Variants in GTF3C3 observed in about 807,000 individuals in gnomAD.
GTF3C3 encodes the protein general transcription factor IIIC subunit 3.
In GTF3C3, 75 loss-of-function variants were observed where a neutral mutation model predicts 105.2. The observed-to-expected ratio is 0.71, with a 90% confidence interval of 0.59 to 0.86. The LOEUF (loss-of-function observed/expected upper bound fraction) is 0.86. GTF3C3 is among the 40% of genes least tolerant of loss of function. The probability of loss-of-function intolerance (pLI) is 0.00; values close to 1 mark genes in which losing one functional copy is unlikely to be tolerated. For synonymous variants in GTF3C3, 335 were observed against 370.4 expected (o/e 0.90, Z 1.10); for missense variants, 856 against 1,076.5 (o/e 0.80, Z 2.87).
In GTF3C3 at chr2:196,799,395, C is replaced by T. The variant is rs531310701; in HGVS notation, c.102+115G>A. 62 of 736,760 alleles carry T rather than the reference C, an allele frequency of 8.4e-5. No individual in the cohort carries two copies. The African/African-American group carries it at 8.6e-4, about 10-fold the overall frequency. 45.6% of individuals were successfully genotyped at this position (736,760 alleles called of 1,614,324 possible). On this transcript the variant is annotated intron_variant, in intron 1 of 17. Transcript: ENST00000263956. ...GAGTTTCTGTAAGATAAGGAAGAAG[C>T]TGCTGAAAGTTCCCAGCCCGCCCCA...
chr2:196,765,329 G>C (rs1039021702), intron 17 of GTF3C3, among the ~76,000 whole-genome samples: 4 of 151,798 alleles, frequency 2.6e-5, no homozygotes, highest in African/African-American at 9.7e-5. Context: ...AAAAAAATCT[G>C]CAACAATTAA....
rs375738762 is a variant in GTF3C3 at position 196,764,605 on chromosome 2, G to A, written c.2619C>T (p.Thr873=). ...LSLIYQSSGN[T]GMAQTLLYTY... is the part of the protein sequence containing the mutation. Reference sequence around the variant, plus strand: ...TATACAAAAGCGTTTGAGCCATTCCGGTATTCCCACTGCTCTGATAGATGA... The same window carrying A: ...TATACAAAAGCGTTTGAGCCATTCCAGTATTCCCACTGCTCTGATAGATGA... The change falls in exon 18 of 18, where the codon ACC becomes ACT. Residue 873 remains threonine, a synonymous_variant. Transcript: ENST00000263956. 10 of 1,613,440 alleles carry A rather than the reference G, an allele frequency of 6.2e-6. No individual in the cohort carries two copies. Among genetic ancestry groups the A allele is most frequent in the African/African-American group, 1.3e-5 (1 of 74,870 alleles).
In GTF3C3 at chr2:196,763,899, G is replaced by A. The variant is rs914686198; in HGVS notation, c.*664C>T. 6.6e-6 allele frequency: 1 copy of A among 152,118 alleles called. No homozygotes were observed. Among genetic ancestry groups the A allele is most frequent in the Non-Finnish European group, 1.5e-5 (1 of 68,018 alleles). 9.4% of individuals were successfully genotyped at this position (152,118 alleles called of 1,614,324 possible). On this transcript the variant is annotated 3_prime_UTR_variant, in exon 18 of 18. Transcript: ENST00000263956. ...GATCTTGAAATGGAAACCATGTCCTGTTATTGAACAAGCTCTTCTCTATTT... is the reference window on the plus strand; with the variant it reads ...GATCTTGAAATGGAAACCATGTCCTATTATTGAACAAGCTCTTCTCTATTT...
Position 196,780,615 on chromosome 2 carries a change from T to C in GTF3C3, c.1162A>G (p.Ile388Val). 6.2e-7 allele frequency: 1 copy of C among 1,613,592 alleles called. No individual in the cohort carries two copies. Among genetic ancestry groups the C allele is most frequent in the African/African-American group, 1.3e-5 (1 of 75,016 alleles). ...AGGCAGACCATCAACTTCACTGTGA[T>C]ATCTATTGGCACGCCATCAGGTATA... ...CTIPDGVPID[I>V]TVKLMVCLVH... The change falls in exon 9 of 18, where the codon ATC becomes GTC. Residue 388 changes from isoleucine to valine, a missense_variant. By Grantham distance (29) the Ile-to-Val change is conservative. Around this residue, in one of 3 missense-constraint regions of GTF3C3, gnomAD observed 605 missense variants for 833.6 expected, o/e 0.73. Transcript: ENST00000263956.
In GTF3C3 at chr2:196,793,162, G is replaced by C. The variant is rs981035056; in HGVS notation, c.215-10C>G. Reference sequence around the variant, plus strand: ...CCATCTGATGTTTCTCCTGAGAAAAGAGACATTGATGGGGGAGGGGTGGGG... The same window carrying C: ...CCATCTGATGTTTCTCCTGAGAAAACAGACATTGATGGGGGAGGGGTGGGG... On this transcript the variant is annotated splice_polypyrimidine_tract_variant and intron_variant, in intron 2 of 17. Transcript: ENST00000263956. 1.9e-6 allele frequency: 3 copies of C among 1,578,102 alleles called. No homozygotes were observed. The Admixed American group carries it at 5.3e-5, about 28-fold the overall frequency.
intron 1 of GTF3C3, 113 bp downstream of exon 1, chr2:196,799,397 G>T: frequency 1.3e-6 from 1 of 754,504 alleles, no homozygotes. Flanking sequence ...GGAAGAAGCT[G>T]CTGAAAGTTC....
chr2:196,788,477 G>A (rs1222628004), intron 6 of GTF3C3, among the ~76,000 whole-genome samples: 1 of 152,188 alleles, frequency 6.6e-6, no homozygotes, highest in African/African-American at 2.4e-5. Flanking sequence ...TGTGCCAACT[G>A]TAAAAGAGAA....
chr2:196,789,750 C>G (rs1329492495), intron 5 of GTF3C3, 129 bp downstream of exon 5: 3 of 614,198 alleles, frequency 4.9e-6, no homozygotes, highest in South Asian at 2.3e-5. Flanking sequence ...ATACTTACCT[C>G]TAGAGCAACA....
At position 196,793,145 on chromosome 2, in the gene GTF3C3, T is replaced by C; in HGVS notation, c.222A>G (p.Thr74=). 6.2e-7 allele frequency: 1 copy of C among 1,602,220 alleles called. No individual in the cohort carries two copies. Among genetic ancestry groups the C allele is most frequent in the Non-Finnish European group, 8.5e-7 (1 of 1,172,124 alleles). Residue 74 remains threonine (T), a synonymous_variant, in exon 3 of 18, where the codon ACA becomes ACG. Coordinates refer to ENST00000263956, the MANE Select transcript of GTF3C3 (RefSeq NM_012086.5). ...GAACTGACTTCCTCACTCCATCTGA[T>C]GTTTCTCCTGAGAAAAGAGACATTG... ...SQDKDVNEGE[T]SDGVRKSVHK...
At chr2:196,765,505 AAAC>A (rs1239200153) in intron 17 of GTF3C3, among the ~76,000 whole-genome samples, 1 of 151,476 alleles carries the variant, frequency 6.6e-6, no homozygotes, top group African/African-American at 2.4e-5. Context: ...TGGTGTGAGT[AAAC>A]AATAGTGTTT....
At chr2:196,764,830 C>A in intron 17 of GTF3C3, 145 bp from the exon 18 acceptor site, 2 of 569,390 alleles carry the variant, frequency 3.5e-6, no homozygotes, top group Non-Finnish European at 3.0e-6. Context: ...TAAAACTATG[C>A]ATATACCTTG....
At chr2:196,799,181 C>A (rs1167455319) in intron 1 of GTF3C3, 1 of 233,470 alleles carries the variant, frequency 4.3e-6, no homozygotes, top group Non-Finnish European at 8.4e-6. Context: ...AGTGGCAAAG[C>A]TAGGACTAGA....
chr2:196,789,818 G>T, intron 5 of GTF3C3, 61 bp downstream of exon 5: 2 of 1,050,508 alleles, frequency 1.9e-6, no homozygotes, highest in Non-Finnish European at 2.7e-6. Context: ...CAAATACAAT[G>T]ATCAAAAAAC....
rs1456768577 is a variant in GTF3C3 at position 196,775,220 on chromosome 2, A to G, written c.1727T>C (p.Ile576Thr). The G allele has an allele frequency of 6.2e-7, 1 of 1,608,372 alleles. No individual in the cohort carries two copies. Residue 576 changes from isoleucine to threonine, a missense_variant, in exon 13 of 18, where the codon ATA becomes ACA. Physicochemically the swap from Ile to Thr is moderately conservative, Grantham distance 89. This residue lies in a region of GTF3C3 where 605 missense variants were observed against 833.6 expected (regional missense o/e 0.73). Coordinates refer to ENST00000263956, the MANE Select transcript of GTF3C3 (RefSeq NM_012086.5). ...CCTCTCTCCAGACTTGGAACTGGAT[A>G]TCAAACAAACTTGGGCTCGATTCAT... ...VAMNRAQVCL[I>T]SSSKSGERHL...
In GTF3C3 at chr2:196,778,915, T is replaced by A. The variant is rs1576024310; in HGVS notation, c.1371A>T (p.Val457=). 6 of 1,613,948 alleles carry A rather than the reference T, an allele frequency of 3.7e-6. No homozygotes were observed. The highest frequency in any genetic ancestry group is 1.3e-5 in the African/African-American group (1 of 74,900). Residue 457 remains valine, a synonymous_variant, in exon 10 of 18, where the codon GTA becomes GTT. Transcript: ENST00000263956. ...TGTTACCTGCATGACGAAGCCAAAC[T>A]ACTGCAAGGTTGTATCTTTCAGAGC... The part of the protein sequence containing the change: ...LVCSERYNLA[V]VWLRHAECLK...
chr2:196,781,727 C>T (rs543627960), intron 8 of GTF3C3, among the ~76,000 whole-genome samples: 4 of 152,040 alleles, frequency 2.6e-5, no homozygotes, highest in African/African-American at 9.6e-5. Context: ...TATCACTGAG[C>T]TCTAAGCCAA....
chr2:196,783,785 CAACTCTTAAAA>C (rs1418393902), intron 8 of GTF3C3, among the ~76,000 whole-genome samples: 3 of 152,186 alleles, frequency 2.0e-5, no homozygotes. Flanking sequence ...AATTATCACA[CAACTCTTAAAA>C]CTGTATGCAC....
chr2:196,780,539 G>A lies in GTF3C3; in HGVS notation c.1218+20C>T, dbSNP rs553012187. ...GTGCATTTGATCTGAAGTATCTCAA[G>A]TGCAGATCTTGTTACATACATTAAG... On this transcript the variant is annotated intron_variant, in intron 9 of 17. Coordinates refer to ENST00000263956, the MANE Select transcript of GTF3C3 (RefSeq NM_012086.5). The A allele has an allele frequency of 6.2e-7, 1 of 1,605,266 alleles. No individual in the cohort carries two copies. The highest frequency in any genetic ancestry group is 1.7e-5 in the Admixed American group (1 of 59,812).
At chr2:196,770,122 T>A in intron 15 of GTF3C3, 83 bp from the exon 16 acceptor site, 3 of 1,209,234 alleles carry the variant, frequency 2.5e-6, no homozygotes, top group Non-Finnish European at 3.4e-6. Context: ...CAAACATTAC[T>A]GATTTTAACA....
Sources: gnomAD v4.1 joint callset for allele counts (sites outside exome capture counted in the v4.1 genomes callset) on GRCh38, gnomAD v4.1.1 for gene constraint, gnomAD v4.1.1 regional missense constraint, MANE v1.5 for transcripts, NCBI Gene and HGNC (gene_info 2026-07-23, HGNC 2026-07-21) for gene names.